Variants in SPEN observed in about 807,000 individuals in gnomAD.
The protein encoded by SPEN is msx2-interacting protein.
A neutral mutation model predicts 269.9 loss-of-function variants in SPEN; 18 were observed. That is an observed-to-expected ratio of 0.07 (90% CI 0.05 to 0.10). SPEN has a LOEUF of 0.10. Among genes scored for constraint, SPEN ranks in the 10% least tolerant of loss-of-function variants. The probability of loss-of-function intolerance (pLI) is 1.00; values close to 1 mark genes in which losing one functional copy is unlikely to be tolerated. For synonymous variants in SPEN, 1,726 were observed against 1,765.7 expected (o/e 0.98, Z 0.56); for missense variants, 3,822 against 4,631.2 (o/e 0.83, Z 5.07).
At chr1:15,924,751 C>T (rs771269647) in intron 10 of SPEN, among the ~76,000 whole-genome samples, 2 of 152,182 alleles carry the variant, frequency 1.3e-5, no homozygotes, top group East Asian at 1.9e-4. Flanking sequence ...TGAGCCACCA[C>T]GCTTGGCCAA....
Position 15,931,483 on chromosome 1 carries a change from A to T in SPEN, c.5243A>T (p.Asn1748Ile). 2 of 1,614,152 alleles carry T rather than the reference A, an allele frequency of 1.2e-6. No homozygotes were observed. The highest frequency in any genetic ancestry group is 1.7e-6 in the Non-Finnish European group (2 of 1,180,030). ...PGASFSQAES[N>I]VDPEPDSTQP... Reference sequence around the variant, plus strand: ...GCCTCGTTTTCCCAGGCAGAGAGCAACGTAGATCCAGAGCCTGACAGTACC... The same window carrying T: ...GCCTCGTTTTCCCAGGCAGAGAGCATCGTAGATCCAGAGCCTGACAGTACC... Residue 1748 changes from asparagine (N) to isoleucine (I), a missense_variant, in exon 11 of 15, where the codon AAC becomes ATC. Around this residue, in one of 16 missense-constraint regions of SPEN, gnomAD observed 533 missense variants for 618.8 expected, o/e 0.86. Coordinates refer to ENST00000375759, the MANE Select transcript of SPEN (RefSeq NM_015001.3). The surrounding 1 kb of genome is among the most constrained non-coding windows in gnomAD (Gnocchi z 4.8).
intron 3 of SPEN, among the ~76,000 whole-genome samples, chr1:15,887,276 A>AT (rs34435171): frequency 0.23 from 18,953 of 82,258 alleles, 3,810 homozygotes; most frequent in African/African-American, 0.44. Flanking sequence ...CCTGGCCTGA[A>AT]TTTTTTTTTT....
At position 15,928,685 on chromosome 1, in the gene SPEN, A is replaced by G. The variant is rs2071192464; in HGVS notation, c.2445A>G (p.Glu815=). ...ERRLIRKEKV[E]KDKTDKQKRK... is the part of the protein sequence containing the mutation. The stretch of plus-strand genomic sequence containing the variant: ...GCTTAATACGGAAGGAAAAAGTGGA[A>G]AAGGACAAAACTGACAAGCAGAAAC... The change falls in exon 11 of 15, where the codon GAA becomes GAG. Residue 815 remains glutamate (E), a synonymous_variant. Coordinates refer to ENST00000375759, the MANE Select transcript of SPEN (RefSeq NM_015001.3). The surrounding 1 kb of genome is among the most constrained non-coding windows in gnomAD (Gnocchi z 5.7). 6.2e-7 allele frequency: 1 copy of G among 1,613,930 alleles called. No homozygotes were observed. The highest frequency in any genetic ancestry group is 8.5e-7 in the Non-Finnish European group (1 of 1,180,036).
intron 3 of SPEN, among the ~76,000 whole-genome samples, chr1:15,889,605 T>C (rs2070770591): frequency 6.6e-6 from 1 of 152,132 alleles, no homozygotes; most frequent in South Asian, 2.1e-4. Context: ...TGTGAGAAAA[T>C]GGAAAGAGCA....
chr1:15,930,684 A>AAT lies in SPEN; in HGVS notation c.4445_4446insTA (p.Lys1482AsnfsTer15). ...TTTTCGAAACAACAAAGATAAAGAA[A>AAT]AGGTTGACTCTGCTCCAAGACCTAT... On this transcript the variant is annotated frameshift_variant, in exon 11 of 15. Coordinates refer to ENST00000375759, the MANE Select transcript of SPEN (RefSeq NM_015001.3). LOFTEE classifies it high-confidence loss of function. The surrounding 1 kb of genome is among the most constrained non-coding windows in gnomAD (Gnocchi z 5.3). 1 of 1,614,210 alleles carries AAT rather than the reference A, an allele frequency of 6.2e-7. No individual in the cohort carries two copies. The highest frequency in any genetic ancestry group is 8.5e-7 in the Non-Finnish European group (1 of 1,180,024).
rs746795233 is a variant in SPEN at position 15,932,322 on chromosome 1, A to G, written c.6082A>G (p.Met2028Val). 1 of 1,612,230 alleles carries G rather than the reference A, an allele frequency of 6.2e-7. No homozygotes were observed. Among genetic ancestry groups the G allele is most frequent in the South Asian group, 1.1e-5 (1 of 90,724 alleles). The part of the protein sequence containing the change: ...GPQIGVKESS[M>V]EPKAAEEEAG... ...CCAAATAGGCGTGAAAGAGAGCTCCATGGAACCCAAGGCTGCTGAGGAGGA... is the reference window on the plus strand; with the variant it reads ...CCAAATAGGCGTGAAAGAGAGCTCCGTGGAACCCAAGGCTGCTGAGGAGGA... Residue 2028 changes from methionine (M) to valine (V), a missense_variant, in exon 11 of 15, where the codon ATG (methionine) becomes GTG (valine). Met to Val is a conservative substitution (Grantham distance 21). Around this residue, in one of 16 missense-constraint regions of SPEN, gnomAD observed 727 missense variants for 737.9 expected, o/e 0.99. Coordinates refer to ENST00000375759, the MANE Select transcript of SPEN (RefSeq NM_015001.3). The surrounding 1 kb of genome is among the most constrained non-coding windows in gnomAD (Gnocchi z 4.2).
intron 3 of SPEN, among the ~76,000 whole-genome samples, chr1:15,881,499 A>G (rs1416672391): frequency 1.3e-5 from 2 of 152,234 alleles, no homozygotes; most frequent in African/African-American, 4.8e-5. Flanking sequence ...GTGATATGAA[A>G]GAACAAGACT....
Position 15,937,521 on chromosome 1 carries a change from C to A in SPEN, c.10385C>A (p.Thr3462Asn), listed in dbSNP as rs1385158500. The A allele has an allele frequency of 1.2e-6, 2 of 1,614,116 alleles. No individual in the cohort carries two copies. The highest frequency in any genetic ancestry group is 8.5e-7 in the Non-Finnish European group (1 of 1,180,014). Residue 3462 changes from threonine to asparagine, a missense_variant, in exon 12 of 15, where the codon ACC (threonine) becomes AAC (asparagine). Thr to Asn is a moderately conservative substitution (Grantham distance 65). Coordinates refer to ENST00000375759, the MANE Select transcript of SPEN (RefSeq NM_015001.3). The surrounding 1 kb of genome is among the most constrained non-coding windows in gnomAD (Gnocchi z 5.7). The stretch of plus-strand genomic sequence containing the variant: ...AAACAGCCGTTGTTTGTCCCAACAA[C>A]CTCTGGCCCCAGCACCCCACCAGGA... ...APKQPLFVPTTSGPSTPPGLV... is the reference protein window; with the variant it reads ...APKQPLFVPTNSGPSTPPGLV...
intron 2 of SPEN, chr1:15,873,561 CCT>C (rs1475253701): frequency 1.0e-6 from 1 of 994,216 alleles, no homozygotes; most frequent in African/African-American, 1.7e-5. Context: ...TTGATATCTG[CCT>C]CTCCATTTTC....
rs1280187547 is a variant in SPEN at position 15,929,915 on chromosome 1, C to A, written c.3675C>A (p.Ser1225Arg). The change falls in exon 11 of 15, where the codon AGC becomes AGA. Residue 1225 changes from serine to arginine, a missense_variant. Physicochemically the swap from Ser to Arg is moderately radical, Grantham distance 110. This residue lies in a region of SPEN where 267 missense variants were observed against 315.5 expected (regional missense o/e 0.85). Transcript: ENST00000375759. The surrounding 1 kb of genome is among the most constrained non-coding windows in gnomAD (Gnocchi z 5.8). ...PQDVTDDSPP[S>R]KKKRMDHVDF... is the part of the protein sequence containing the mutation. ...ATGTCACTGATGACTCTCCTCCTAG[C>A]AAAAAGAAAAGGATGGATCATGTCG... 6.2e-7 allele frequency: 1 copy of A among 1,614,114 alleles called. No homozygotes were observed. Among genetic ancestry groups the A allele is most frequent in the Non-Finnish European group, 8.5e-7 (1 of 1,180,036 alleles).
chr1:15,878,934 C>T (rs564033896), intron 3 of SPEN, among the ~76,000 whole-genome samples: 27 of 133,744 alleles, frequency 2.0e-4, no homozygotes, highest in Middle Eastern at 4.8e-3. Flanking sequence ...TGCTTGAATT[C>T]GGGAGGTGGA....
rs373002389 is a variant in SPEN, at chr1:15,909,399, C to T, written c.960C>T (p.Ser320=). Residue 320 remains serine (S), a synonymous_variant, in exon 4 of 15, where the codon TCC becomes TCT. Transcript: ENST00000375759. ...VQSAAVPAPT[S]QLLSSLEKDE... ...CTGCAGCAGTCCCTGCACCCACTTC[C>T]CAGTTGCTTTCATCTCTGGAAAAAG... 2.6e-5 allele frequency: 42 copies of T among 1,614,062 alleles called. No homozygotes were observed. Among genetic ancestry groups the T allele is most frequent in the Non-Finnish European group, 3.5e-5 (41 of 1,180,046 alleles).
At chr1:15,863,649 TAGGC>T (rs1248518658) in intron 1 of SPEN, among the ~76,000 whole-genome samples, 2 of 152,112 alleles carry the variant, frequency 1.3e-5, no homozygotes, top group African/African-American at 2.4e-5. Context: ...GAGACCAGCC[TAGGC>T]AACATGTTGA....
intron 1 of SPEN, among the ~76,000 whole-genome samples, chr1:15,857,263 C>T (rs1180861256): frequency 6.6e-6 from 1 of 152,204 alleles, no homozygotes; most frequent in Non-Finnish European, 1.5e-5. Flanking sequence ...CAAGGTCTCA[C>T]TCTGTTGCCC....
chr1:15,870,272 T>A (rs1053807451), intron 1 of SPEN, among the ~76,000 whole-genome samples: 5 of 152,206 alleles, frequency 3.3e-5, no homozygotes, highest in African/African-American at 1.2e-4. Context: ...AAAAATGTGA[T>A]CTTTTGGAAG....
At position 15,930,034 on chromosome 1, in the gene SPEN, G is replaced by A. The variant is rs749587229; in HGVS notation, c.3794G>A (p.Arg1265Gln). ...AGGACTGGTGGTTCTCCCAGTGTCC[G>A]ACATGGTTCCTTCCATGAAGATGAG... ...SERTGGSPSV[R>Q]HGSFHEDEDP... is the part of the protein sequence containing the mutation. Residue 1265 changes from arginine (R) to glutamine (Q), a missense_variant, in exon 11 of 15, where the codon CGA (arginine) becomes CAA (glutamine). Around this residue, in one of 16 missense-constraint regions of SPEN, gnomAD observed 267 missense variants for 315.5 expected, o/e 0.85. Coordinates refer to ENST00000375759, the MANE Select transcript of SPEN (RefSeq NM_015001.3). The surrounding 1 kb of genome is among the most constrained non-coding windows in gnomAD (Gnocchi z 5.3). 1.1e-5 allele frequency: 17 copies of A among 1,614,040 alleles called. No individual in the cohort carries two copies. Among genetic ancestry groups the A allele is most frequent in the East Asian group, 2.2e-5 (1 of 44,896 alleles).
intron 3 of SPEN, among the ~76,000 whole-genome samples, chr1:15,904,137 A>G (rs1444661028): frequency 6.6e-6 from 1 of 152,196 alleles, no homozygotes; most frequent in Non-Finnish European, 1.5e-5. Flanking sequence ...TTTTGATTCA[A>G]GATCTTGAAA....
At chr1:15,902,273 C>T (rs1344496286) in intron 3 of SPEN, among the ~76,000 whole-genome samples, 2 of 152,134 alleles carry the variant, frequency 1.3e-5, no homozygotes, top group African/African-American at 2.4e-5. Context: ...GTTAGATTCT[C>T]ATAACCAATT....
At chr1:15,850,763 G>A (rs1436146507) in intron 1 of SPEN, among the ~76,000 whole-genome samples, 1 of 152,170 alleles carries the variant, frequency 6.6e-6, no homozygotes, top group African/African-American at 2.4e-5. Flanking sequence ...GAATAAAAAG[G>A]TAGTTGTACC....
Sources: gnomAD v4.1 joint callset for allele counts (sites outside exome capture counted in the v4.1 genomes callset) on GRCh38, gnomAD v4.1.1 for gene constraint, gnomAD v4.1.1 regional missense constraint, Gnocchi (gnomAD v3.1) non-coding constraint, MANE v1.5 for transcripts, NCBI Gene and HGNC (gene_info 2026-07-23, HGNC 2026-07-21) for gene names.